The following ATP5MF variants were observed in gnomAD, a reference collection of about 807,000 sequenced individuals.
The protein encoded by ATP5MF is ATP synthase membrane subunit f.
In ATP5MF, 10 loss-of-function variants were observed where a neutral mutation model predicts 13.8. The ratio of observed to expected loss-of-function variants is 0.72; its 90% CI spans 0.45 to 1.23. The LOEUF (loss-of-function observed/expected upper bound fraction) is 1.23. Ranked by LOEUF, ATP5MF falls within the 50% of genes most tolerant of loss-of-function variation. The pLI is 0.00. For missense variants in ATP5MF, 122 were observed against 118.2 expected, an observed-to-expected ratio of 1.03 and a Z score of -0.15; for synonymous variants, 40 against 45.8, an observed-to-expected ratio of 0.87 and a Z score of 0.51.
intron 1 of ATP5MF, chr7:99,460,438 C>T (rs1798548656): frequency 5.8e-6 from 4 of 692,436 alleles, no homozygotes; most frequent in South Asian, 5.7e-5. Context: ...TGAGTAACAG[C>T]TTGCTGGGAG....
intron 3 of ATP5MF, 127 bp from the exon 4 acceptor site, chr7:99,458,482 G>A: frequency 9.7e-6 from 9 of 924,352 alleles, no homozygotes; most frequent in South Asian, 1.9e-5. Context: ...CCCATGACCC[G>A]CCTGCCGGTG....
intron 1 of ATP5MF, among the ~76,000 whole-genome samples, chr7:99,465,392 T>C (rs898332581): frequency 6.6e-6 from 1 of 152,138 alleles, no homozygotes; most frequent in Admixed American, 6.6e-5. Flanking sequence ...CCCTCATCTG[T>C]AAAATGGAAT....
chr7:99,459,384 G>A (rs1227562686), intron 2 of ATP5MF, 121 bp from the exon 3 acceptor site: 31 of 729,972 alleles, frequency 4.2e-5, no homozygotes, highest in South Asian at 1.4e-4. Flanking sequence ...TAAGCCCCTC[G>A]CCCTGCATTC....
chr7:99,462,337 G>A (rs572841841), intron 1 of ATP5MF, among the ~76,000 whole-genome samples: 40 of 151,426 alleles, frequency 2.6e-4, no homozygotes, highest in African/African-American at 9.2e-4. Context: ...GTGTGGTGGC[G>A]GGCGCCTGTA....
At chr7:99,458,786 C>G (rs1798457972) in intron 3 of ATP5MF, among the ~76,000 whole-genome samples, 1 of 152,112 alleles carries the variant, frequency 6.6e-6, no homozygotes, top group African/African-American at 2.4e-5. Flanking sequence ...CCGGAACAGC[C>G]ATGCTTTTCT....
At position 99,459,223 on chromosome 7, in the gene ATP5MF, C is replaced by T; in HGVS notation, c.180G>A (p.Lys60=). ...RYYNKYINVK[K]GSISGITMVL... ...CCATGGTAATCCCCGAGATGCTCCC[C>T]TTCTTCACATTGATGTACTTGTTGT... is the stretch of plus-strand genomic sequence containing the variant. The change falls in exon 3 of 4, where the codon AAG becomes AAA. Residue 60 remains lysine, a synonymous_variant. Coordinates refer to ENST00000292475, the MANE Select transcript of ATP5MF (RefSeq NM_004889.5). 6.2e-7 allele frequency: 1 copy of T among 1,614,166 alleles called. No individual in the cohort carries two copies. Among genetic ancestry groups the T allele is most frequent in the African/African-American group, 1.3e-5 (1 of 75,062 alleles).
At chr7:99,462,497 C>T (rs1182142107) in intron 1 of ATP5MF, among the ~76,000 whole-genome samples, 1 of 151,744 alleles carries the variant, frequency 6.6e-6, no homozygotes, top group Non-Finnish European at 1.5e-5. Context: ...ACACATTTGG[C>T]AGGGCACGGT....
intron 2 of ATP5MF, chr7:99,459,771 T>G (rs1273192759): frequency 6.3e-6 from 2 of 316,794 alleles, no homozygotes; most frequent in Non-Finnish European, 1.2e-5. Flanking sequence ...GAGCATCATA[T>G]TATAGACTAA....
intron 1 of ATP5MF, among the ~76,000 whole-genome samples, chr7:99,461,740 C>T (rs1161933705): frequency 6.6e-6 from 1 of 151,842 alleles, no homozygotes; most frequent in Non-Finnish European, 1.5e-5. Flanking sequence ...CTCACTGCAA[C>T]CTCCACCTCC....
At chr7:99,463,325 A>C (rs1798699036) in intron 1 of ATP5MF, among the ~76,000 whole-genome samples, 2 of 152,266 alleles carry the variant, frequency 1.3e-5, no homozygotes, top group Admixed American at 1.3e-4. Flanking sequence ...AGGTCTTCAT[A>C]GCATAGTCTA....
chr7:99,465,103 T>C (rs1282062355), intron 1 of ATP5MF, among the ~76,000 whole-genome samples: 2 of 151,264 alleles, frequency 1.3e-5, no homozygotes, highest in African/African-American at 4.9e-5. Flanking sequence ...CTACTAAAAA[T>C]ACAAAAATTA....
At position 99,466,047 on chromosome 7, in the gene ATP5MF, C is replaced by T; in HGVS notation, c.31+64G>A. The T allele has an allele frequency of 1.9e-6, 3 of 1,612,042 alleles. No homozygotes were observed. In the East Asian group the frequency reaches 6.7e-5, roughly 36 times the overall value. On this transcript the variant is annotated intron_variant, in intron 1 of 3. Coordinates refer to ENST00000292475, the MANE Select transcript of ATP5MF (RefSeq NM_004889.5). ...GGCAGCTCCGCAGCTTCCTTCTCTC[C>T]CAGTGTGGCTCTGGACCCTGGACCC...
chr7:99,463,331 G>A (rs560100668), intron 1 of ATP5MF, among the ~76,000 whole-genome samples: 1 of 152,322 alleles, frequency 6.6e-6, no homozygotes, highest in South Asian at 2.1e-4. Flanking sequence ...TCATAGCATA[G>A]TCTATTTTAT....
chr7:99,465,879 A>T (rs1430121426), intron 1 of ATP5MF, among the ~76,000 whole-genome samples: 1 of 152,214 alleles, frequency 6.6e-6, no homozygotes, highest in Admixed American at 6.5e-5. Context: ...CAGGCCCAGA[A>T]GCGCGTGCCC....
In ATP5MF at chr7:99,458,316, G is replaced by A. The variant is rs1584525519; in HGVS notation, c.*11C>T. 5 of 1,609,816 alleles carry A rather than the reference G, an allele frequency of 3.1e-6. No homozygotes were observed. Among genetic ancestry groups the A allele is most frequent in the South Asian group, 1.1e-5 (1 of 89,734 alleles). Reference sequence around the variant, plus strand: ...AGGTCGTGGGGTGGGGGGGTGCAGAGTGTGTCCTCTTCAGTGGTATTTGCG... The same window carrying A: ...AGGTCGTGGGGTGGGGGGGTGCAGAATGTGTCCTCTTCAGTGGTATTTGCG... On this transcript the variant is annotated 3_prime_UTR_variant, in exon 4 of 4. Coordinates refer to ENST00000292475, the MANE Select transcript of ATP5MF (RefSeq NM_004889.5).
chr7:99,466,112 T>C lies in ATP5MF; in HGVS notation c.30A>G (p.Pro10=), dbSNP rs767477996. 7.9e-5 allele frequency: 127 copies of C among 1,614,034 alleles called. No individual in the cohort carries two copies. The highest frequency in any genetic ancestry group is 1.0e-4 in the Non-Finnish European group (120 of 1,180,020). The change falls in exon 1 of 4, where the codon CCA becomes CCG. Residue 10 remains proline, a splice_region_variant and synonymous_variant. Coordinates refer to ENST00000292475, the MANE Select transcript of ATP5MF (RefSeq NM_004889.5). MASVGECPA[P]VPVKDKKLLE... ...ACCACGGAGTCCAAACAGCCTTACC[T>C]GGGGCCGGACACTCACCAACTGACG...
chr7:99,465,966 A>T, intron 1 of ATP5MF, 145 bp downstream of exon 1: 1 of 1,418,042 alleles, frequency 7.1e-7, no homozygotes, highest in South Asian at 1.3e-5. Flanking sequence ...GGGCAGGCGG[A>T]GCGGGGTCTG....
chr7:99,463,860 G>A (rs1277247391), intron 1 of ATP5MF, among the ~76,000 whole-genome samples: 2 of 152,116 alleles, frequency 1.3e-5, no homozygotes, highest in Admixed American at 6.5e-5. Flanking sequence ...CAGGCCACAC[G>A]AAATCCAACT....
At chr7:99,465,379 T>C (rs777960045) in intron 1 of ATP5MF, among the ~76,000 whole-genome samples, 1 of 152,206 alleles carries the variant, frequency 6.6e-6, no homozygotes, top group African/African-American at 2.4e-5. Flanking sequence ...CGAACAGTTA[T>C]TTCCCTCATC....
Sources: allele counts gnomAD v4.1 joint callset (sites outside exome capture counted in the v4.1 genomes callset), GRCh38; gene constraint gnomAD v4.1.1; transcripts MANE v1.5; gene names NCBI Gene and HGNC (gene_info 2026-07-23, HGNC 2026-07-21).